Variants in EDRF1 observed in about 807,000 individuals in gnomAD.
The protein encoded by EDRF1 is erythroid differentiation regulatory factor 1, also known as erythroid differentiation-related factor 1.
In EDRF1, 69 loss-of-function variants were observed where a neutral mutation model predicts 148.7. That is an observed-to-expected ratio of 0.46 (90% confidence interval 0.38 to 0.57). The LOEUF (loss-of-function observed/expected upper bound fraction) is 0.57, where lower values mean the gene tolerates loss of function less well. EDRF1 is among the 20% of genes least tolerant of loss of function. The probability of loss-of-function intolerance (pLI) is 0.00; values close to 1 mark genes in which losing one functional copy is unlikely to be tolerated. For synonymous variants in EDRF1, 515 were observed against 532.8 expected (o/e 0.97, Z 0.46); for missense variants, 1,118 against 1,478.7 (o/e 0.76, Z 4.00).
At chr10:125,755,010 TC>T (rs1479913960) in intron 24 of EDRF1, among the ~76,000 whole-genome samples, 1 of 152,178 alleles carries the variant, frequency 6.6e-6, no homozygotes, top group Admixed American at 6.5e-5. Flanking sequence ...AGAAAACAGT[TC>T]CGTCACTCCA....
chr10:125,755,912 T>C (rs555597310), intron 24 of EDRF1, among the ~76,000 whole-genome samples: 5 of 152,268 alleles, frequency 3.3e-5, no homozygotes, highest in Admixed American at 2.6e-4. Flanking sequence ...TTTGGCTTGA[T>C]TGACTGTTTC....
intron 12 of EDRF1, among the ~76,000 whole-genome samples, chr10:125,734,874 C>T (rs1032517510): frequency 9.2e-5 from 14 of 152,074 alleles, no homozygotes; most frequent in East Asian, 3.8e-4. Flanking sequence ...ATGTAAGATA[C>T]GCAATTTTTC....
At chr10:125,738,250 G>T in intron 14 of EDRF1, 45 bp from the exon 15 acceptor site, 1 of 1,607,534 alleles carries the variant, frequency 6.2e-7, no homozygotes, top group South Asian at 1.1e-5. Context: ...GTTTTCAGTT[G>T]ACCTGAAGTT....
intron 24 of EDRF1, among the ~76,000 whole-genome samples, 168 bp downstream of exon 24, chr10:125,754,013 C>T (rs1307122602): frequency 2.0e-5 from 3 of 151,998 alleles, no homozygotes; most frequent in South Asian, 2.1e-4. Context: ...TTCAGGAGTT[C>T]GAGACCAGCC....
intron 18 of EDRF1, among the ~76,000 whole-genome samples, chr10:125,744,174 G>A (rs1025501308): frequency 6.6e-6 from 1 of 151,784 alleles, no homozygotes; most frequent in Non-Finnish European, 1.5e-5. Context: ...AGGTGAGCAG[G>A]TAAGCTGAAC....
At chr10:125,723,256 A>G in intron 3 of EDRF1, 122 bp downstream of exon 3, 1 of 868,242 alleles carries the variant, frequency 1.2e-6, no homozygotes, top group Non-Finnish European at 2.0e-6. Flanking sequence ...GAAATAAGAT[A>G]AAACTTACCT....
chr10:125,757,578 T>C (rs542339493), intron 24 of EDRF1, among the ~76,000 whole-genome samples: 10 of 152,364 alleles, frequency 6.6e-5, no homozygotes, highest in African/African-American at 2.4e-4. Flanking sequence ...TAGCATCATA[T>C]TCCTTCTGCC....
At chr10:125,756,737 T>A in intron 24 of EDRF1, 1 of 369,536 alleles carries the variant, frequency 2.7e-6, no homozygotes, top group South Asian at 2.2e-5. Context: ...TTTTTTTGTA[T>A]GTCTTTTATA....
intron 24 of EDRF1, among the ~76,000 whole-genome samples, chr10:125,758,889 C>T (rs778451521): frequency 1.1e-4 from 16 of 152,148 alleles, no homozygotes; most frequent in Non-Finnish European, 2.2e-4. Context: ...TCCCACTGCT[C>T]CTGCACCCCC....
intron 24 of EDRF1, among the ~76,000 whole-genome samples, chr10:125,762,487 T>C (rs1265807715): frequency 1.4e-5 from 2 of 148,106 alleles, no homozygotes; most frequent in Non-Finnish European, 3.0e-5. Flanking sequence ...CCTGGACTCA[T>C]TTAAAAAAAA....
rs543912275 is a variant in EDRF1, at chr10:125,752,794, T to C, written c.3278-5T>C. 3.8e-6 allele frequency: 6 copies of C among 1,589,816 alleles called. No homozygotes were observed. In the Admixed American group the frequency reaches 5.0e-5, roughly 13 times the overall value. On this transcript the variant is annotated splice_polypyrimidine_tract_variant and splice_region_variant and intron_variant, in intron 22 of 24. Transcript: ENST00000356792. ...GAAATGAACGTTTTGTATTTAAAAC[T>C]TTAGGTCAGAATAGCAATGTTGGAA...
chr10:125,747,153 C>T (rs1405467693), intron 19 of EDRF1: 1 of 203,162 alleles, frequency 4.9e-6, no homozygotes, highest in Non-Finnish European at 1.0e-5. Context: ...GGAGGAGATA[C>T]TTCTTTTTAC....
intron 3 of EDRF1, 45 bp downstream of exon 3, chr10:125,723,179 G>C (rs371316473): frequency 6.6e-5 from 101 of 1,528,268 alleles, no homozygotes; most frequent in Non-Finnish European, 8.3e-5. Context: ...GGTGTTTTGT[G>C]ATAGGTGTTT....
chr10:125,726,137 A>G (rs955022437), intron 6 of EDRF1, among the ~76,000 whole-genome samples: 2 of 152,108 alleles, frequency 1.3e-5, no homozygotes, highest in African/African-American at 4.8e-5. Context: ...TGAGTATTAT[A>G]TAGAGATATA....
Position 125,749,466 on chromosome 10 carries a change from A to G in EDRF1, c.3178A>G (p.Ser1060Gly), listed in dbSNP as rs1374191142. Residue 1060 changes from serine to glycine, a missense_variant, in exon 22 of 25, where the codon AGC becomes GGC. Physicochemically the swap from Ser to Gly is moderately conservative, Grantham distance 56. Coordinates refer to ENST00000356792, the MANE Select transcript of EDRF1 (RefSeq NM_001202438.2). ...QHRVLADLHY[S>G]KAAKLFQLLK... ...CCGGGTGCTGGCAGATCTTCATTAC[A>G]GCAAGGCCGCAAAGCTGTTTCAGCT... is the stretch of plus-strand genomic sequence containing the variant. 1.2e-6 allele frequency: 2 copies of G among 1,614,212 alleles called. No homozygotes were observed. Among genetic ancestry groups the G allele is most frequent in the Non-Finnish European group, 1.7e-6 (2 of 1,180,044 alleles).
At position 125,725,447 on chromosome 10, in the gene EDRF1, T is replaced by C; in HGVS notation, c.635+5T>C. 3 of 1,613,994 alleles carry C rather than the reference T, an allele frequency of 1.9e-6. No individual in the cohort carries two copies. Among genetic ancestry groups the C allele is most frequent in the Non-Finnish European group, 2.5e-6 (3 of 1,179,930 alleles). ...TTCCAAGTTTTTATATTACAGGTACTTGGCTACTTATTTATCTCTAAAGAG... is the reference window on the plus strand; with the variant it reads ...TTCCAAGTTTTTATATTACAGGTACCTGGCTACTTATTTATCTCTAAAGAG... On this transcript the variant is annotated splice_donor_5th_base_variant and intron_variant, in intron 5 of 24. Transcript: ENST00000356792.
intron 1 of EDRF1, among the ~76,000 whole-genome samples, chr10:125,720,485 C>G (rs146029993): frequency 2.6e-5 from 4 of 152,176 alleles, no homozygotes; most frequent in African/African-American, 9.7e-5. Context: ...TTCTACCAGA[C>G]TATTTTATGA....
At position 125,738,285 on chromosome 10, in the gene EDRF1, T is replaced by C; in HGVS notation, c.1831-10T>C. ...TAGATAGATAGTGAATGCTTTTCCTTTTTTTGCAGGGTTTAAAATCTGTCG... is the reference window on the plus strand; with the variant it reads ...TAGATAGATAGTGAATGCTTTTCCTCTTTTTGCAGGGTTTAAAATCTGTCG... On this transcript the variant is annotated splice_polypyrimidine_tract_variant and intron_variant, in intron 14 of 24. Transcript: ENST00000356792. The C allele has an allele frequency of 6.2e-7, 1 of 1,614,106 alleles. No homozygotes were observed. The highest frequency in any genetic ancestry group is 8.5e-7 in the Non-Finnish European group (1 of 1,179,974).
Position 125,734,117 on chromosome 10 carries a change from C to T in EDRF1, c.1431C>T (p.His477=). 6.2e-7 allele frequency: 1 copy of T among 1,613,248 alleles called. No individual in the cohort carries two copies. Among genetic ancestry groups the T allele is most frequent in the Non-Finnish European group, 8.5e-7 (1 of 1,179,364 alleles). The change falls in exon 12 of 25, where the codon CAC becomes CAT. Residue 477 remains histidine, a synonymous_variant. Coordinates refer to ENST00000356792, the MANE Select transcript of EDRF1 (RefSeq NM_001202438.2). ...TGAAGAAGAATCAAAATAAGAAACA[C>T]TATGGAACTATTAGAACATTGCTTC... is the stretch of plus-strand genomic sequence containing the variant. ...MMMKKNQNKK[H]YGTIRTLLLN...
Sources: gnomAD v4.1 joint callset for allele counts (sites outside exome capture counted in the v4.1 genomes callset) on GRCh38, gnomAD v4.1.1 for gene constraint, MANE v1.5 for transcripts, NCBI Gene and HGNC (gene_info 2026-07-23, HGNC 2026-07-21) for gene names.